Variants in SNUPN observed in about 807,000 individuals in gnomAD.
SNUPN encodes the protein snurportin-1.
In SNUPN, 31 loss-of-function variants were observed where a neutral mutation model predicts 39.2. That is an observed-to-expected ratio of 0.79 (90% CI 0.59 to 1.07). SNUPN has a LOEUF of 1.07. Among genes scored for constraint, SNUPN ranks in the 50% least tolerant of loss-of-function variants. The pLI, the probability that SNUPN is intolerant of heterozygous loss-of-function variation, is 0.00. For missense variants in SNUPN, 382 were observed against 434.2 expected (o/e 0.88, Z 1.07); for synonymous variants, 132 against 159.0 (o/e 0.83, Z 1.28).
intron 2 of SNUPN, among the ~76,000 whole-genome samples, chr15:75,620,494 G>T (rs1439220349): frequency 6.6e-6 from 1 of 152,144 alleles, no homozygotes; most frequent in South Asian, 2.1e-4. Context: ...TGGGCTGAAG[G>T]CAGATGGGAA....
At chr15:75,604,919 T>C (rs2075319719) in intron 7 of SNUPN, among the ~76,000 whole-genome samples, 2 of 152,226 alleles carry the variant, frequency 1.3e-5, no homozygotes, top group African/African-American at 2.4e-5. Context: ...GTCATTCTTA[T>C]GCCTTTATAT....
chr15:75,604,183 CAG>C (rs1270461604), intron 7 of SNUPN, among the ~76,000 whole-genome samples: 1 of 113,802 alleles, frequency 8.8e-6, no homozygotes, highest in Non-Finnish European at 1.7e-5. Context: ...TTTTTTGTGA[CAG>C]AGTCTCGCTC....
At chr15:75,612,386 A>T (rs889466133) in intron 3 of SNUPN, among the ~76,000 whole-genome samples, 2 of 152,034 alleles carry the variant, frequency 1.3e-5, no homozygotes, top group Non-Finnish European at 2.9e-5. Flanking sequence ...ACGTAATGCT[A>T]CCAGCCACAT....
intron 3 of SNUPN, among the ~76,000 whole-genome samples, chr15:75,613,258 C>CAAA (rs905447706): frequency 4.2e-4 from 17 of 40,514 alleles, no homozygotes; most frequent in East Asian, 1.2e-3. Context: ...GACTCCATCT[C>CAAA]AAAAAAAAAA....
At chr15:75,615,236 T>C (rs897588436) in intron 3 of SNUPN, among the ~76,000 whole-genome samples, 1 of 152,228 alleles carries the variant, frequency 6.6e-6, no homozygotes, top group Non-Finnish European at 1.5e-5. Context: ...TTGGCCAGGC[T>C]GGTCTTGAAC....
chr15:75,612,991 A>G (rs1041134300), intron 3 of SNUPN, among the ~76,000 whole-genome samples: 2 of 152,172 alleles, frequency 1.3e-5, no homozygotes, highest in African/African-American at 4.8e-5. Context: ...TTATAATTCA[A>G]TAATAAAAAG....
At chr15:75,600,853 A>C in intron 8 of SNUPN, 1 of 356,730 alleles carries the variant, frequency 2.8e-6, no homozygotes, top group Non-Finnish European at 5.3e-6. Context: ...TCTTGCTCCT[A>C]TCTGGGCCTC....
chr15:75,620,368 G>A (rs562731247), intron 2 of SNUPN, among the ~76,000 whole-genome samples: 1 of 152,240 alleles, frequency 6.6e-6, no homozygotes, highest in South Asian at 2.1e-4. Context: ...CTCTTATCCT[G>A]CCCTCTTTCC....
At chr15:75,604,157 C>CTTTTTT (rs34924144) in intron 7 of SNUPN, among the ~76,000 whole-genome samples, 15 of 114,944 alleles carry the variant, frequency 1.3e-4, no homozygotes, top group East Asian at 4.9e-4. Context: ...TTCCCTTTAA[C>CTTTTTT]TTTTTTTTTT....
At position 75,610,387 on chromosome 15, in the gene SNUPN, C is replaced by T. The variant is rs149522250; in HGVS notation, c.304-393G>A. 3.6e-3 allele frequency among the ~76,000 whole-genome samples: 498 copies of T among 139,076 alleles called. 8 individuals carry two copies. Among genetic ancestry groups the T allele is most frequent in the East Asian group, 0.035 (166 of 4,718 alleles). The allele number at this position is 139,076 out of a possible 152,430, so 91.2% of individuals were successfully genotyped here. Reference sequence around the variant, plus strand: ...TGCACTCCAGCCTGGGCACCAAGAGCGAAACTCTGTCTCAAAAAAAAAAAA... The same window carrying T: ...TGCACTCCAGCCTGGGCACCAAGAGTGAAACTCTGTCTCAAAAAAAAAAAA... On this transcript the variant is annotated intron_variant, in intron 3 of 8. Transcript: ENST00000308588.
intron 1 of SNUPN, 98 bp downstream of exon 1, chr15:75,625,568 G>A (rs1302476087): frequency 6.6e-6 from 1 of 152,278 alleles, no homozygotes; most frequent in Admixed American, 6.6e-5. Flanking sequence ...TGACGTCCCA[G>A]GAGGCCAGAG....
In SNUPN at chr15:75,616,314, C is replaced by T. The variant is rs188596742; in HGVS notation, c.303+1094G>A. Reference sequence around the variant, plus strand: ...TCTACTAAAAATACAAAAACTTAGCCGGGTGTGGTGGCAGGCATCTGTAAT... The same window carrying T: ...TCTACTAAAAATACAAAAACTTAGCTGGGTGTGGTGGCAGGCATCTGTAAT... On this transcript the variant is annotated intron_variant, in intron 3 of 8. Coordinates refer to ENST00000308588, the MANE Select transcript of SNUPN (RefSeq NM_005701.4). 6.8e-3 allele frequency among the ~76,000 whole-genome samples: 1,026 copies of T among 151,760 alleles called. 6 individuals carry two copies. The highest frequency in any genetic ancestry group is 9.6e-3 in the Non-Finnish European group (651 of 67,920).
chr15:75,619,423 G>GC (rs1476427392), intron 2 of SNUPN, among the ~76,000 whole-genome samples: 1 of 152,030 alleles, frequency 6.6e-6, no homozygotes, highest in Non-Finnish European at 1.5e-5. Context: ...GGGAGGATCA[G>GC]TTGAGCCTAG....
intron 8 of SNUPN, among the ~76,000 whole-genome samples, chr15:75,600,106 A>G (rs1243182690): frequency 6.6e-6 from 1 of 151,264 alleles, no homozygotes; most frequent in Non-Finnish European, 1.5e-5. Flanking sequence ...TCGACCTCCC[A>G]AAGTGCTGGG....
intron 5 of SNUPN, among the ~76,000 whole-genome samples, chr15:75,607,928 A>C (rs1892675392): frequency 2.6e-5 from 4 of 152,214 alleles, no homozygotes. Flanking sequence ...TTCAGACCCA[A>C]GTACTGATGT....
chr15:75,621,098 T>C, intron 1 of SNUPN, 42 bp from the exon 2 acceptor site: 1 of 1,592,796 alleles, frequency 6.3e-7, no homozygotes, highest in African/African-American at 1.3e-5. Flanking sequence ...TCATTTCATA[T>C]CATCTCCTGT....
chr15:75,602,542 AT>A (rs1446420510), intron 7 of SNUPN, among the ~76,000 whole-genome samples: 52 of 148,610 alleles, frequency 3.5e-4, no homozygotes, highest in African/African-American at 5.8e-4. Flanking sequence ...AAAAAAAAAA[AT>A]ATTACTGATG....
At chr15:75,607,351 C>A (rs1303974935) in intron 5 of SNUPN, 38 bp from the exon 6 acceptor site, 1 of 1,439,864 alleles carries the variant, frequency 6.9e-7, no homozygotes, top group Non-Finnish European at 9.8e-7. Context: ...CAGAGTTCTT[C>A]TTCCAACCAG....
At chr15:75,616,491 A>G (rs1365393102) in intron 3 of SNUPN, among the ~76,000 whole-genome samples, 1 of 151,970 alleles carries the variant, frequency 6.6e-6, no homozygotes, top group Non-Finnish European at 1.5e-5. Flanking sequence ...GGGTCTCACT[A>G]TGTTAGCCAG....
Sources: gnomAD v4.1 joint callset for allele counts (sites outside exome capture counted in the v4.1 genomes callset) on GRCh38, gnomAD v4.1.1 for gene constraint, MANE v1.5 for transcripts, NCBI Gene and HGNC (gene_info 2026-07-23, HGNC 2026-07-21) for gene names.